Variants in ANTXR1 observed in about 807,000 individuals in gnomAD.
ANTXR1 encodes the protein ANTXR cell adhesion molecule 1.
Under a neutral mutation model 78.1 loss-of-function variants are expected in ANTXR1, and 19 were observed. That is an observed-to-expected ratio of 0.24 (90% CI 0.17 to 0.36). The LOEUF (loss-of-function observed/expected upper bound fraction) is 0.36, where lower values mean the gene tolerates loss of function less well. Ranked by LOEUF, ANTXR1 falls within the 10% of genes least tolerant of loss-of-function variation. The pLI, the probability that ANTXR1 is intolerant of heterozygous loss-of-function variation, is 1.00. For synonymous variants in ANTXR1, 273 were observed against 260.5 expected (o/e 1.05, Z -0.46); for missense variants, 518 against 718.6 (o/e 0.72, Z 3.19).
intron 6 of ANTXR1, among the ~76,000 whole-genome samples, chr2:69,075,233 C>A (rs921022126): frequency 2.6e-5 from 4 of 152,134 alleles, no homozygotes; most frequent in Non-Finnish European, 5.9e-5. Flanking sequence ...TGTGATATCA[C>A]GCCCCCATTA....
chr2:69,183,574 G>GTTTTTTT (rs55898655), intron 16 of ANTXR1, among the ~76,000 whole-genome samples: 2 of 109,288 alleles, frequency 1.8e-5, no homozygotes, highest in Non-Finnish European at 2.0e-5. Context: ...GCTAATTTTT[G>GTTTTTTT]TTTTTTTTTT....
chr2:69,198,422 T>G (rs1674708515), intron 17 of ANTXR1, among the ~76,000 whole-genome samples: 1 of 152,194 alleles, frequency 6.6e-6, no homozygotes, highest in Non-Finnish European at 1.5e-5. Context: ...TAGTGTTGGT[T>G]TCCTGTGATC....
chr2:69,193,476 C>G lies in ANTXR1; in HGVS notation c.1434+61C>G, dbSNP rs573009875. 331 of 1,289,542 alleles carry G rather than the reference C, an allele frequency of 2.6e-4. 4 individuals are homozygous for G. The highest frequency in any genetic ancestry group is 2.2e-3 in the South Asian group (187 of 83,522). 79.9% of individuals were successfully genotyped at this position (1,289,542 alleles called of 1,614,324 possible). A position where few individuals can be genotyped will look rare whatever the true frequency, so the allele number is the denominator to read the frequency against. ...TCTCTCTCTCACATACACACACACACACACACACACACACATATTCTTTTT... is the reference window on the plus strand; with the variant it reads ...TCTCTCTCTCACATACACACACACAGACACACACACACACATATTCTTTTT... On this transcript the variant is annotated intron_variant, in intron 17 of 17. Coordinates refer to ENST00000303714, the MANE Select transcript of ANTXR1 (RefSeq NM_032208.3).
At chr2:69,020,442 C>G (rs1671150874) in intron 1 of ANTXR1, among the ~76,000 whole-genome samples, 1 of 146,272 alleles carries the variant, frequency 6.8e-6, no homozygotes, top group African/African-American at 2.8e-5. Flanking sequence ...CTGTCTGGGT[C>G]AGCCAAGTAA....
chr2:69,167,673 A>G (rs1673866318), intron 13 of ANTXR1, among the ~76,000 whole-genome samples: 1 of 152,194 alleles, frequency 6.6e-6, no homozygotes, highest in African/African-American at 2.4e-5. Context: ...AGCAATGAGA[A>G]GACTTCCTGC....
intron 16 of ANTXR1, 53 bp downstream of exon 16, chr2:69,182,713 T>TA: frequency 6.2e-7 from 1 of 1,608,782 alleles, no homozygotes; most frequent in Non-Finnish European, 8.5e-7. Context: ...AACACTTACA[T>TA]AGTGAAGAAT....
intron 16 of ANTXR1, 82 bp from the exon 17 acceptor site, chr2:69,193,253 G>A: frequency 4.4e-6 from 5 of 1,137,446 alleles, no homozygotes; most frequent in Non-Finnish European, 6.7e-6. Context: ...GACTGAAGAA[G>A]CACGGAAAGT....
chr2:69,101,735 T>C (rs1016317238), intron 9 of ANTXR1, among the ~76,000 whole-genome samples: 5 of 152,276 alleles, frequency 3.3e-5, no homozygotes, highest in African/African-American at 1.2e-4. Flanking sequence ...GTAAGATCCA[T>C]ATTCACAAAC....
intron 13 of ANTXR1, among the ~76,000 whole-genome samples, chr2:69,161,021 A>G (rs1444234454): frequency 1.3e-5 from 2 of 151,954 alleles, no homozygotes; most frequent in African/African-American, 2.4e-5. Flanking sequence ...AACATCATCA[A>G]CTCACCCTTG....
chr2:69,027,285 C>T (rs540432911), intron 1 of ANTXR1, among the ~76,000 whole-genome samples: 92 of 152,278 alleles, frequency 6.0e-4, no homozygotes, highest in Admixed American at 3.3e-4. Context: ...CCCGCCAGAT[C>T]GCGCGCCTCC....
intron 17 of ANTXR1, among the ~76,000 whole-genome samples, chr2:69,244,930 G>T (rs1675978510): frequency 6.6e-6 from 1 of 152,172 alleles, no homozygotes; most frequent in African/African-American, 2.4e-5. Context: ...CTGTTGAGGA[G>T]ATTCAGTTTA....
intron 10 of ANTXR1, among the ~76,000 whole-genome samples, chr2:69,117,631 C>T (rs1479954449): frequency 6.6e-6 from 1 of 152,126 alleles, no homozygotes; most frequent in Admixed American, 6.5e-5. Flanking sequence ...TGTTTAATCC[C>T]TCTGATTTTA....
At chr2:69,105,874 A>G (rs1025509271) in intron 10 of ANTXR1, among the ~76,000 whole-genome samples, 1 of 152,234 alleles carries the variant, frequency 6.6e-6, no homozygotes, top group Non-Finnish European at 1.5e-5. Flanking sequence ...GGCTCTAGCC[A>G]CTTCAAACAT....
At chr2:69,073,539 C>T (rs1670636537) in intron 6 of ANTXR1, among the ~76,000 whole-genome samples, 1 of 152,178 alleles carries the variant, frequency 6.6e-6, no homozygotes, top group Non-Finnish European at 1.5e-5. Context: ...GAGATTTTCA[C>T]TCTAAGAACC....
chr2:69,218,587 C>T (rs142628138), intron 17 of ANTXR1, among the ~76,000 whole-genome samples: 280 of 152,254 alleles, frequency 1.8e-3, no homozygotes, highest in African/African-American at 6.3e-3. Context: ...GCAGAAAGGG[C>T]AAGGTTGTCT....
chr2:69,172,038 C>A (rs1010462132), intron 14 of ANTXR1, among the ~76,000 whole-genome samples: 3 of 152,158 alleles, frequency 2.0e-5, no homozygotes, highest in South Asian at 2.1e-4. Context: ...GGATAACTCA[C>A]GTGAACACCT....
chr2:69,104,392 G>A (rs981529537), intron 10 of ANTXR1, among the ~76,000 whole-genome samples: 22 of 152,216 alleles, frequency 1.4e-4, no homozygotes, highest in Admixed American at 2.0e-4. Context: ...CCTGGCCTTG[G>A]AGTAATTCCA....
intron 9 of ANTXR1, among the ~76,000 whole-genome samples, chr2:69,096,731 CTT>C (rs962965562): frequency 6.6e-6 from 1 of 152,162 alleles, no homozygotes; most frequent in African/African-American, 2.4e-5. Flanking sequence ...AGATTTTCAT[CTT>C]GACTTGAAAA....
At chr2:69,241,718 G>GAC (rs142639579) in intron 17 of ANTXR1, among the ~76,000 whole-genome samples, 3,201 of 152,256 alleles carry the variant, frequency 0.021, 46 homozygotes, top group Non-Finnish European at 0.033. Flanking sequence ...TCACTCAGAA[G>GAC]ACACTAAACT....
Sources: allele counts gnomAD v4.1 joint callset (sites outside exome capture counted in the v4.1 genomes callset), GRCh38; gene constraint gnomAD v4.1.1; transcripts MANE v1.5; gene names NCBI Gene and HGNC (gene_info 2026-07-23, HGNC 2026-07-21).